CARMIL3: variants seen among roughly 807,000 people sequenced by gnomAD.
CARMIL3 encodes capping protein, Arp2/3 and myosin-I linker protein 3.
In CARMIL3, 88 loss-of-function variants were observed where a neutral mutation model predicts 180.8. The ratio of observed to expected loss-of-function variants is 0.49; its 90% CI spans 0.41 to 0.58. CARMIL3 has a LOEUF of 0.58. Ranked by LOEUF, CARMIL3 falls within the 20% of genes least tolerant of loss-of-function variation. The pLI is 0.00. For synonymous variants in CARMIL3, 696 were observed against 714.5 expected, an observed-to-expected ratio of 0.97 and a Z score of 0.41; for missense variants, 1,548 against 1,787.0, an observed-to-expected ratio of 0.87 and a Z score of 2.41.
intron 27 of CARMIL3, chr14:24,062,120 G>T (rs1485277363): frequency 4.2e-5 from 16 of 377,804 alleles, no homozygotes; most frequent in Non-Finnish European, 7.8e-5. Context: ...CCCAAGGAAG[G>T]GTCTTTCCTA....
At position 24,068,987 on chromosome 14, in the gene CARMIL3, G is replaced by T. The variant is rs201130224; in HGVS notation, c.3982+21G>T. The T allele has an allele frequency of 2.6e-6, 4 of 1,539,642 alleles. No individual in the cohort carries two copies. The African/African-American group carries it at 4.1e-5, about 16-fold the overall frequency. On this transcript the variant is annotated intron_variant, in intron 38 of 39. Coordinates refer to ENST00000342740, the MANE Select transcript of CARMIL3 (RefSeq NM_138360.4). ...CCAAGGTCTGCCACCCTGGCTGAGT[G>T]GGGGGCTCAGGGCACCTCTAGGACT...
chr14:24,059,527 G>A lies in CARMIL3; in HGVS notation c.1799+85G>A, dbSNP rs1022223713. ...ATCTCCCTGCTTTCCTTGATGCTCT[G>A]GACCCCAGCTTCCAGAAGACCCCCA... On this transcript the variant is annotated intron_variant, in intron 21 of 39. Coordinates refer to ENST00000342740, the MANE Select transcript of CARMIL3 (RefSeq NM_138360.4). The surrounding 1 kb of genome is among the most constrained non-coding windows in gnomAD (Gnocchi z 6.3). The A allele has an allele frequency of 2.0e-6, 3 of 1,520,570 alleles. No homozygotes were observed. The highest frequency in any genetic ancestry group is 1.4e-5 in the African/African-American group (1 of 72,268). The allele number at this position is 1,520,570 out of a possible 1,614,324, so 94.2% of individuals were successfully genotyped here.
At chr14:24,062,632 C>T in intron 28 of CARMIL3, 65 bp downstream of exon 28, 1 of 1,613,234 alleles carries the variant, frequency 6.2e-7, no homozygotes, top group Non-Finnish European at 8.5e-7. Context: ...ATCCTGTCTC[C>T]CTAATCACCC....
chr14:24,065,282 G>C lies in CARMIL3; in HGVS notation c.3396+9G>C. On this transcript the variant is annotated intron_variant, in intron 33 of 39. Coordinates refer to ENST00000342740, the MANE Select transcript of CARMIL3 (RefSeq NM_138360.4). ...CCTTCCGCCGGAAGATGGTAAGTGA[G>C]GCAGGGGGTGCTGTGTCTTCCCCTT... 1.3e-6 allele frequency: 2 copies of C among 1,518,882 alleles called. No individual in the cohort carries two copies. Among genetic ancestry groups the C allele is most frequent in the Non-Finnish European group, 1.8e-6 (2 of 1,141,522 alleles). The allele number at this position is 1,518,882 out of a possible 1,614,324, so 94.1% of individuals were successfully genotyped here.
At chr14:24,069,309 G>A (rs1015559539) in intron 39 of CARMIL3, 62 bp downstream of exon 39, 18 of 1,612,986 alleles carry the variant, frequency 1.1e-5, no homozygotes, top group African/African-American at 4.0e-5. Flanking sequence ...GACACCCCCC[G>A]AAGCCCCAAC....
chr14:24,064,159 C>G (rs2035761529), intron 31 of CARMIL3, 87 bp from the exon 32 acceptor site: 2 of 851,636 alleles, frequency 2.3e-6, no homozygotes, highest in Non-Finnish European at 1.9e-6. Flanking sequence ...CATAAATGTC[C>G]AAGCCCAAAG....
chr14:24,062,858 G>A lies in CARMIL3; in HGVS notation c.2706+12G>A, dbSNP rs371055012. 36 of 1,594,094 alleles carry A rather than the reference G, an allele frequency of 2.3e-5. No homozygotes were observed. The highest frequency in any genetic ancestry group is 2.7e-5 in the African/African-American group (2 of 74,374). ...TTGGGACCAACATTGTGAGCCCCCC[G>A]CTCCCTGCTCCTCCTTAATAACCTG... On this transcript the variant is annotated intron_variant, in intron 29 of 39. Coordinates refer to ENST00000342740, the MANE Select transcript of CARMIL3 (RefSeq NM_138360.4).
chr14:24,055,482 T>C (rs2035662844), intron 8 of CARMIL3, 61 bp from the exon 9 acceptor site: 2 of 1,587,558 alleles, frequency 1.3e-6, no homozygotes, highest in Admixed American at 1.7e-5. Context: ...ATCCTTGGTC[T>C]CTTCTTTTCT....
intron 29 of CARMIL3, 52 bp from the exon 30 acceptor site, chr14:24,063,068 G>A (rs2138767019): frequency 6.3e-7 from 1 of 1,597,326 alleles, no homozygotes; most frequent in Non-Finnish European, 8.6e-7. Flanking sequence ...CATGAGGAAT[G>A]GATGGCTCTG....
At position 24,059,901 on chromosome 14, in the gene CARMIL3, A is replaced by G; in HGVS notation, c.1869-69A>G. 1.3e-6 allele frequency: 2 copies of G among 1,577,152 alleles called. No homozygotes were observed. The highest frequency in any genetic ancestry group is 1.7e-6 in the Non-Finnish European group (2 of 1,147,880). On this transcript the variant is annotated intron_variant, in intron 22 of 39. Transcript: ENST00000342740. This position sits in a 1 kb window ranked among gnomAD's most constrained non-coding sequence, Gnocchi z 6.3. Reference sequence around the variant, plus strand: ...GAGCAAGGGGGCTGGAGGGCTGCTCACCAACAGAGGAGGCAGGGGCCTCCC... The same window carrying G: ...GAGCAAGGGGGCTGGAGGGCTGCTCGCCAACAGAGGAGGCAGGGGCCTCCC...
At position 24,061,121 on chromosome 14, in the gene CARMIL3, T is replaced by A; in HGVS notation, c.2304+81T>A. 1 of 1,305,808 alleles carries A rather than the reference T, an allele frequency of 7.7e-7. No homozygotes were observed. The highest frequency in any genetic ancestry group is 1.1e-6 in the Non-Finnish European group (1 of 932,818). The allele number at this position is 1,305,808 out of a possible 1,614,324, so 80.9% of individuals were successfully genotyped here. Reference sequence around the variant, plus strand: ...CTAAGCCCAGAGCTAAAGTCAGAGCTGGGAGACTTCTGGAGGGCCAGGAGG... The same window carrying A: ...CTAAGCCCAGAGCTAAAGTCAGAGCAGGGAGACTTCTGGAGGGCCAGGAGG... On this transcript the variant is annotated intron_variant, in intron 26 of 39. Transcript: ENST00000342740. This position sits in a 1 kb window ranked among gnomAD's most constrained non-coding sequence, Gnocchi z 4.1.
At chr14:24,056,442 C>G in intron 11 of CARMIL3, 49 bp downstream of exon 11, 1 of 1,575,070 alleles carries the variant, frequency 6.3e-7, no homozygotes, top group African/African-American at 1.3e-5. Context: ...AGACCCCTGT[C>G]CTAGCCCAGA....
Position 24,061,591 on chromosome 14 carries a change from C to T in CARMIL3, c.2399C>T (p.Ala800Val), listed in dbSNP as rs774345899. 32 of 1,613,784 alleles carry T rather than the reference C, an allele frequency of 2.0e-5. No homozygotes were observed. The East Asian group carries it at 2.2e-4, about 11-fold the overall frequency. ...EGHNKMLSNVAERVTVPRNFI... is the reference protein window; with the variant it reads ...EGHNKMLSNVVERVTVPRNFI... Reference sequence around the variant, plus strand: ...CACAACAAGATGCTGAGCAATGTGGCGGAGCGTGTCACTGTGCCCCGGAAC... The same window carrying T: ...CACAACAAGATGCTGAGCAATGTGGTGGAGCGTGTCACTGTGCCCCGGAAC... Residue 800 changes from alanine to valine, a missense_variant, in exon 27 of 40, where the codon GCG becomes GTG. Coordinates refer to ENST00000342740, the MANE Select transcript of CARMIL3 (RefSeq NM_138360.4). The surrounding 1 kb of genome is among the most constrained non-coding windows in gnomAD (Gnocchi z 4.1).
rs778718580 is a variant in CARMIL3, at chr14:24,064,289, G to A, written c.3023G>A (p.Arg1008His). The change falls in exon 32 of 40, where the codon CGC becomes CAC. Residue 1008 changes from arginine (R) to histidine (H), a missense_variant. Arg to His is a conservative substitution (Grantham distance 29). Transcript: ENST00000342740. ...GTRQENGMATRLDEGLEDFFS... is the reference protein window; with the variant it reads ...GTRQENGMATHLDEGLEDFFS... Reference sequence around the variant, plus strand: ...CGTCAGGAGAATGGGATGGCCACCCGCCTGGATGAAGGGCTGGAGGACTTC... The same window carrying A: ...CGTCAGGAGAATGGGATGGCCACCCACCTGGATGAAGGGCTGGAGGACTTC... 24 of 1,612,850 alleles carry A rather than the reference G, an allele frequency of 1.5e-5. No homozygotes were observed. Among genetic ancestry groups the A allele is most frequent in the East Asian group, 2.2e-5 (1 of 44,852 alleles).
rs924129092 is a variant in CARMIL3 at position 24,065,799 on chromosome 14, C to T, written c.3525+49C>T. 3.1e-6 allele frequency: 5 copies of T among 1,597,598 alleles called. No homozygotes were observed. In the African/African-American group the frequency reaches 6.7e-5, roughly 21 times the overall value. On this transcript the variant is annotated intron_variant, in intron 34 of 39. Coordinates refer to ENST00000342740, the MANE Select transcript of CARMIL3 (RefSeq NM_138360.4). ...ACTGTGGGTCCTGAGGGTATCTGTC[C>T]ACCACCCTCTCCTTCCCACTCCCTC... is the stretch of plus-strand genomic sequence containing the variant.
Position 24,062,519 on chromosome 14 carries a change from C to T in CARMIL3, c.2520C>T (p.Ser840=). The T allele has an allele frequency of 1.2e-6, 2 of 1,614,228 alleles. No individual in the cohort carries two copies. Among genetic ancestry groups the T allele is most frequent in the Non-Finnish European group, 1.7e-6 (2 of 1,180,040 alleles). The change falls in exon 28 of 40, where the codon TCC becomes TCT. Residue 840 remains serine (S), a synonymous_variant. Transcript: ENST00000342740. ...KLSVVTYLTS[S]IVDEILQELY... ...CAGTCGTCACCTACCTAACCAGCTC[C>T]ATAGTGGATGAGATCCTGCAAGAGC... is the stretch of plus-strand genomic sequence containing the variant.
At position 24,068,846 on chromosome 14, in the gene CARMIL3, C is replaced by T. The variant is rs763740051; in HGVS notation, c.3862C>T (p.Gln1288Ter). ...PKPVAVPRGR[Q>*]PPQEPGVREE... ...GCCAGTGGCTGTGCCCAGGGGCCGC[C>T]AGCCTCCCCAGGAGCCAGGGGTCAG... The change falls in exon 38 of 40, where the codon CAG becomes TAG. Residue 1288 changes from glutamine to a stop codon, truncating the protein, a stop_gained. Coordinates refer to ENST00000342740, the MANE Select transcript of CARMIL3 (RefSeq NM_138360.4). LOFTEE classifies it high-confidence loss of function. 1 of 1,613,578 alleles carries T rather than the reference C, an allele frequency of 6.2e-7. No individual in the cohort carries two copies. The highest frequency in any genetic ancestry group is 8.5e-7 in the Non-Finnish European group (1 of 1,179,970).
At position 24,068,797 on chromosome 14, in the gene CARMIL3, C is replaced by G. The variant is rs373427136; in HGVS notation, c.3813C>G (p.Pro1271=). ...LPARNAKLQD[P]ALAPWPPKPV... Reference sequence around the variant, plus strand: ...CCTTCCTCTGCCAGCTACAGGACCCCGCTCTAGCTCCATGGCCTCCCAAGC... The same window carrying G: ...CCTTCCTCTGCCAGCTACAGGACCCGGCTCTAGCTCCATGGCCTCCCAAGC... The change falls in exon 38 of 40, where the codon CCC becomes CCG. Residue 1271 remains proline, a synonymous_variant. Transcript: ENST00000342740. 2.5e-6 allele frequency: 4 copies of G among 1,613,978 alleles called. No individual in the cohort carries two copies. The highest frequency in any genetic ancestry group is 1.3e-5 in the African/African-American group (1 of 75,062).
intron 31 of CARMIL3, 103 bp from the exon 32 acceptor site, chr14:24,064,143 C>T (rs892995516): frequency 3.1e-6 from 2 of 655,664 alleles, no homozygotes; most frequent in Non-Finnish European, 2.6e-6. Flanking sequence ...CTGAAGTCTA[C>T]ATTTCCATAA....
Sources: gnomAD v4.1 joint callset for allele counts on GRCh38, gnomAD v4.1.1 for gene constraint, Gnocchi (gnomAD v3.1) non-coding constraint, MANE v1.5 for transcripts, NCBI Gene and HGNC (gene_info 2026-07-23, HGNC 2026-07-21) for gene names.